Variants in CDH17 observed in about 807,000 individuals in gnomAD.
CDH17 encodes the protein cadherin 17, also known as cadherin-17.
CDH17 carries 67 observed loss-of-function variants against 86.3 expected under a neutral mutation model. The observed-to-expected ratio is 0.78, with a 90% CI of 0.64 to 0.95. The LOEUF is 0.95. CDH17 is among the 40% of genes least tolerant of loss of function. CDH17 has a pLI of 0.00. For missense variants in CDH17, 993 were observed against 1,017.6 expected (o/e 0.98, Z 0.33); for synonymous variants, 367 against 366.4 (o/e 1.00, Z -0.02).
chr8:94,135,546 G>A (rs1247532556), intron 15 of CDH17, among the ~76,000 whole-genome samples: 2 of 152,112 alleles, frequency 1.3e-5, no homozygotes, highest in Admixed American at 6.5e-5. Flanking sequence ...GAGTCTATGT[G>A]TTTCTCTGCA....
intron 1 of CDH17, among the ~76,000 whole-genome samples, chr8:94,201,275 T>A (rs1336513811): frequency 2.0e-5 from 3 of 152,192 alleles, no homozygotes; most frequent in African/African-American, 7.2e-5. Context: ...TTCCCTTTTT[T>A]AAATCAATCC....
intron 7 of CDH17, 81 bp from the exon 8 acceptor site, chr8:94,171,066 A>G (rs1813260877): frequency 7.2e-7 from 1 of 1,398,068 alleles, no homozygotes; most frequent in South Asian, 1.5e-5. Flanking sequence ...CTAGTTCTCA[A>G]TTTGAAATCT....
At chr8:94,152,190 C>T in intron 12 of CDH17, 78 bp from the exon 13 acceptor site, 1 of 1,480,874 alleles carries the variant, frequency 6.8e-7, no homozygotes, top group Non-Finnish European at 9.2e-7. Context: ...CCTTCTTAAA[C>T]TCTCATATAT....
chr8:94,208,713 G>T (rs1046794415), upstream of CDH17: 1 of 122,544 alleles, frequency 8.2e-6, no homozygotes, highest in African/African-American at 2.6e-5. Flanking sequence ...GGAAAGAAAT[G>T]ACTTTGTATC....
intron 15 of CDH17, among the ~76,000 whole-genome samples, chr8:94,144,427 G>A (rs1158221709): frequency 1.3e-5 from 2 of 152,112 alleles, no homozygotes; most frequent in African/African-American, 4.8e-5. Context: ...ATGGCACCAA[G>A]AGACTTTGTT....
At position 94,164,216 on chromosome 8, in the gene CDH17, G is replaced by A. The variant is rs573370359; in HGVS notation, c.1282+1545C>T. Among the ~76,000 whole-genome samples, 12 of 152,118 alleles carry A rather than the reference G, an allele frequency of 7.9e-5. No homozygotes were observed. In the East Asian group the frequency reaches 2.1e-3, roughly 27 times the overall value. ...TAACTTGTCATATTCATCCTTCAAA[G>A]CCCAGCTCAGAAATACCTCTTCCAG... On this transcript the variant is annotated intron_variant, in intron 10 of 17. Coordinates refer to ENST00000027335, the MANE Select transcript of CDH17 (RefSeq NM_004063.4).
Position 94,127,381 on chromosome 8 carries a change from C to T in CDH17, c.*859G>A, listed in dbSNP as rs1292027017. The stretch of plus-strand genomic sequence containing the variant: ...GTTTGCAGAGTAGGTTGTGTTTGAA[C>T]ACCTTCTGTGGGTCTGTGTCATTTC... On this transcript the variant is annotated 3_prime_UTR_variant, in exon 18 of 18. Transcript: ENST00000027335. 6.6e-6 allele frequency: 1 copy of T among 152,258 alleles called. No individual in the cohort carries two copies. Among genetic ancestry groups the T allele is most frequent in the Non-Finnish European group, 1.5e-5 (1 of 68,054 alleles). 9.4% of individuals were successfully genotyped at this position (152,258 alleles called of 1,614,324 possible).
At chr8:94,135,753 G>A (rs1219821764) in intron 15 of CDH17, among the ~76,000 whole-genome samples, 5 of 152,134 alleles carry the variant, frequency 3.3e-5, no homozygotes, top group Admixed American at 6.5e-5. Context: ...TAGCATCGAT[G>A]GTCTTTACAA....
At chr8:94,213,622 T>C (rs929514539) in intron 1 of CDH17, among the ~76,000 whole-genome samples, 5 of 152,168 alleles carry the variant, frequency 3.3e-5, no homozygotes, top group African/African-American at 4.8e-5. Context: ...CTGTCTCTTA[T>C]CAGATTTCAC....
rs149497371 is a variant in CDH17, at chr8:94,131,084, T to C, written c.2168-92A>G. The stretch of plus-strand genomic sequence containing the variant: ...TTTTGTATCACATACTAAGGTTGAC[T>C]GGAACATGGCTAGATATGAGTTAAA... On this transcript the variant is annotated intron_variant, in intron 15 of 17. Coordinates refer to ENST00000027335, the MANE Select transcript of CDH17 (RefSeq NM_004063.4). 7.5e-5 allele frequency: 54 copies of C among 724,630 alleles called. No individual in the cohort carries two copies. The Admixed American group carries it at 8.4e-4, about 11-fold the overall frequency. The allele number at this position is 724,630 out of a possible 1,614,324, so 44.9% of individuals were successfully genotyped here.
In CDH17 at chr8:94,151,157, G is replaced by T. The variant is rs373832095; in HGVS notation, c.1796+711C>A. Among the ~76,000 whole-genome samples, 100 of 152,326 alleles carry T rather than the reference G, an allele frequency of 6.6e-4. 2 individuals carry two copies. In the South Asian group the frequency reaches 0.018, roughly 28 times the overall value. ...GGTGTAATGTACAACAGCAGCGAAA[G>T]ATCTGAGTTCAAGTCTTAACTACAT... On this transcript the variant is annotated intron_variant, in intron 13 of 17. Coordinates refer to ENST00000027335, the MANE Select transcript of CDH17 (RefSeq NM_004063.4).
intron 5 of CDH17, 64 bp from the exon 6 acceptor site, chr8:94,174,324 A>C: frequency 6.8e-7 from 1 of 1,479,474 alleles, no homozygotes; most frequent in Non-Finnish European, 9.1e-7. Flanking sequence ...CAAACCAACC[A>C]TAGCTACTTT....
intron 3 of CDH17, among the ~76,000 whole-genome samples, chr8:94,185,675 AAT>A (rs1310766953): frequency 6.6e-6 from 1 of 152,212 alleles, no homozygotes; most frequent in East Asian, 1.9e-4. Flanking sequence ...TTGTTTCACA[AAT>A]ATGTTTTATT....
intron 2 of CDH17, among the ~76,000 whole-genome samples, chr8:94,189,610 T>G (rs1216859905): frequency 1.3e-5 from 2 of 152,244 alleles, no homozygotes; most frequent in Non-Finnish European, 2.9e-5. Context: ...CTAACTGAAC[T>G]AAAGCCCATG....
chr8:94,209,587 T>C (rs1814089290), upstream of CDH17, among the ~76,000 whole-genome samples: 1 of 152,204 alleles, frequency 6.6e-6, no homozygotes, highest in South Asian at 2.1e-4. Context: ...CTGAGGACCC[T>C]GCAAGTGAAA....
intron 7 of CDH17, among the ~76,000 whole-genome samples, chr8:94,172,979 G>C (rs1333533261): frequency 6.6e-6 from 1 of 152,070 alleles, no homozygotes; most frequent in Non-Finnish European, 1.5e-5. Context: ...AGTCTATTGG[G>C]TCAAGATTTT....
At position 94,170,905 on chromosome 8, in the gene CDH17, C is replaced by G. The variant is rs760253861; in HGVS notation, c.864G>C (p.Gln288His). The G allele has an allele frequency of 2.5e-6, 4 of 1,613,892 alleles. No individual in the cohort carries two copies. In the Admixed American group the frequency reaches 6.7e-5, roughly 27 times the overall value. ...GCTGAGTCACGTAAATATCTCCTTC[C>G]TGGTCAATTGAAAATGGGAATCTTG... ...KLPRFPFSIDQEGDIYVTQPL... is the reference protein window; with the variant it reads ...KLPRFPFSIDHEGDIYVTQPL... The change falls in exon 8 of 18, where the codon CAG becomes CAC. Residue 288 changes from glutamine (Q) to histidine (H), a missense_variant. Physicochemically the swap from Gln to His is conservative, Grantham distance 24 (BLOSUM62 0). Transcript: ENST00000027335.
At chr8:94,190,353 G>A (rs1166645981) in intron 2 of CDH17, among the ~76,000 whole-genome samples, 1 of 152,232 alleles carries the variant, frequency 6.6e-6, no homozygotes. Flanking sequence ...GTGCATGAGA[G>A]TGTGACTCCC....
Position 94,130,655 on chromosome 8 carries a change from C to T in CDH17, c.2369G>A (p.Gly790Asp), listed in dbSNP as rs770145671. ...CACCAGAAGGGTGGTCAGCAGTATACCAACTGCCATGCCCACAGTGGGTAT... is the reference window on the plus strand; with the variant it reads ...CACCAGAAGGGTGGTCAGCAGTATATCAACTGCCATGCCCACAGTGGGTAT... The part of the protein sequence containing the change: ...TGIPTVGMAV[G>D]ILLTTLLVIG... Residue 790 changes from glycine (G) to aspartate (D), a missense_variant, in exon 17 of 18, where the codon GGT becomes GAT. Physicochemically the swap from Gly to Asp is moderately conservative, Grantham distance 94 (BLOSUM62 -1). Coordinates refer to ENST00000027335, the MANE Select transcript of CDH17 (RefSeq NM_004063.4). The T allele has an allele frequency of 6.2e-7, 1 of 1,613,128 alleles. No individual in the cohort carries two copies. The highest frequency in any genetic ancestry group is 8.5e-7 in the Non-Finnish European group (1 of 1,179,400).
Sources: allele counts gnomAD v4.1 joint callset (sites outside exome capture counted in the v4.1 genomes callset), GRCh38; gene constraint gnomAD v4.1.1; transcripts MANE v1.5; gene names NCBI Gene and HGNC (gene_info 2026-07-23, HGNC 2026-07-21).